ZNF519: variants seen among roughly 807,000 people sequenced by gnomAD.
ZNF519 encodes zinc finger protein 519.
ZNF519 carries 7 observed loss-of-function variants against 7.4 expected under a neutral mutation model. The ratio of observed to expected loss-of-function variants is 0.94; its 90% CI spans 0.54 to 1.77. ZNF519 has a LOEUF of 1.77. Ranked by LOEUF, ZNF519 falls within the 40% of genes most tolerant of loss-of-function variation. The pLI, the probability that ZNF519 is intolerant of heterozygous loss-of-function variation, is 0.00. For missense variants in ZNF519, 586 were observed against 623.1 expected (o/e 0.94, Z 0.63); for synonymous variants, 179 against 203.3 (o/e 0.88, Z 1.02).
downstream of ZNF519, among the ~76,000 whole-genome samples, chr18:14,099,342 GTA>G (rs1164480536): frequency 1.3e-5 from 2 of 152,154 alleles, no homozygotes; most frequent in Non-Finnish European, 2.9e-5. Flanking sequence ...TCTCCAACTA[GTA>G]TATTTGCTCT....
chr18:14,077,681 T>A (rs909203222), intron 4 of ZNF519, among the ~76,000 whole-genome samples: 1 of 152,134 alleles, frequency 6.6e-6, no homozygotes, highest in Non-Finnish European at 1.5e-5. Context: ...CCAGGACCCC[T>A]GGAGGGACAG....
At chr18:14,096,797 T>C (rs921461571), downstream of ZNF519, among the ~76,000 whole-genome samples, 3 of 152,186 alleles carry the variant, frequency 2.0e-5, no homozygotes, top group South Asian at 6.2e-4. Context: ...GGTGTTCCTA[T>C]AGATGAAAGA....
At chr18:14,106,863 T>C (rs2046195855) in intron 2 of ZNF519, among the ~76,000 whole-genome samples, 1 of 151,932 alleles carries the variant, frequency 6.6e-6, no homozygotes, top group Non-Finnish European at 1.5e-5. Flanking sequence ...AAAGCAAAAC[T>C]GGAATGCACT....
chr18:14,106,956 G>T (rs2046196363), intron 2 of ZNF519, among the ~76,000 whole-genome samples: 1 of 151,820 alleles, frequency 6.6e-6, no homozygotes, highest in South Asian at 2.1e-4. Context: ...TGGAACTTGA[G>T]TTCTGGCAAG....
intron 2 of ZNF519, among the ~76,000 whole-genome samples, chr18:14,115,799 C>T (rs1382598293): frequency 6.6e-6 from 1 of 152,008 alleles, no homozygotes; most frequent in Non-Finnish European, 1.5e-5. Context: ...AAGCCAGGCA[C>T]AAAAAGACAA....
At chr18:14,131,978 C>T (rs2046332757) in intron 1 of ZNF519, among the ~76,000 whole-genome samples, 1 of 152,228 alleles carries the variant, frequency 6.6e-6, no homozygotes, top group Non-Finnish European at 1.5e-5. Flanking sequence ...ACCACAGCTC[C>T]TTCCACGCAG....
downstream of ZNF519, among the ~76,000 whole-genome samples, chr18:14,096,173 TG>T (rs1490078335): frequency 1.3e-5 from 2 of 152,226 alleles, no homozygotes; most frequent in Non-Finnish European, 2.9e-5. Flanking sequence ...AAGTCCTTTA[TG>T]TACTTCCCAC....
intron 1 of ZNF519, among the ~76,000 whole-genome samples, chr18:14,126,193 G>A (rs1196347074): frequency 5.9e-5 from 9 of 152,116 alleles, no homozygotes; most frequent in African/African-American, 1.4e-4. Flanking sequence ...GTGGATCTGC[G>A]CAGGGTTGGG....
intron 1 of ZNF519, among the ~76,000 whole-genome samples, chr18:14,129,063 G>A (rs2046316726): frequency 6.6e-6 from 1 of 152,172 alleles, no homozygotes; most frequent in Admixed American, 6.5e-5. Flanking sequence ...TATGGGTGGG[G>A]ATGCAGGGCA....
At chr18:14,081,714 A>C (rs2046071171) in intron 3 of ZNF519, among the ~76,000 whole-genome samples, 1 of 152,192 alleles carries the variant, frequency 6.6e-6, no homozygotes. Flanking sequence ...TGGTGTACAC[A>C]AGAAGACTGT....
Position 14,105,680 on chromosome 18 carries a change from G to A in ZNF519, c.860C>T (p.Thr287Ile). The A allele has an allele frequency of 1.2e-6, 2 of 1,613,574 alleles. No homozygotes were observed. Among genetic ancestry groups the A allele is most frequent in the Non-Finnish European group, 1.7e-6 (2 of 1,179,928 alleles). The change falls in exon 3 of 3, where the codon ACT becomes ATT. Residue 287 changes from threonine to isoleucine, a missense_variant. Thr to Ile is a moderately conservative substitution (Grantham distance 89). Transcript: ENST00000590202. ...TTTACATTTGTAAGGTTTCTCTCCA[G>A]TATGAATTTTCTGATGTCCAAGATG... ...GLHLGHQKIH[T>I]GEKPYKCKKC...
At chr18:14,095,176 A>C (rs1284489206), downstream of ZNF519, among the ~76,000 whole-genome samples, 1 of 152,012 alleles carries the variant, frequency 6.6e-6, no homozygotes, top group Non-Finnish European at 1.5e-5. Context: ...GGCCCAGAGG[A>C]ACTAGAGCAA....
intron 1 of ZNF519, among the ~76,000 whole-genome samples, chr18:14,128,156 G>A (rs148595124): frequency 0.17 from 26,133 of 151,758 alleles, 2,755 homozygotes; most frequent in Middle Eastern, 0.23. Context: ...AGCCGGGTGT[G>A]GTGGTGGGCG....
rs1236439639 is a variant in ZNF519, at chr18:14,124,579, T to A, written c.4-103A>T. 2.2e-6 allele frequency: 3 copies of A among 1,386,320 alleles called. No homozygotes were observed. The East Asian group carries it at 7.0e-5, about 32-fold the overall frequency. The allele number at this position is 1,386,320 out of a possible 1,614,324, so 85.9% of individuals were successfully genotyped here. A position where few individuals can be genotyped will look rare whatever the true frequency, so the allele number is the denominator to read the frequency against. On this transcript the variant is annotated intron_variant, in intron 1 of 2. Transcript: ENST00000590202. ...TATGTGGCTGACTAGGATTATCTGA[T>A]AAAATAACTTTTAACACAGTAATGT...
chr18:14,117,938 A>C (rs1218038714), intron 2 of ZNF519, among the ~76,000 whole-genome samples: 1 of 152,228 alleles, frequency 6.6e-6, no homozygotes, highest in Admixed American at 6.5e-5. Context: ...CTGCAATCTT[A>C]GATGAGATTT....
intron 2 of ZNF519, chr18:14,122,038 T>C (rs1200791738): frequency 6.6e-6 from 1 of 152,160 alleles, no homozygotes; most frequent in Non-Finnish European, 1.5e-5. Flanking sequence ...ATGAACCTTT[T>C]TTCTTTTTAG....
downstream of ZNF519, among the ~76,000 whole-genome samples, chr18:14,097,006 C>T (rs1264015915): frequency 1.3e-5 from 2 of 152,248 alleles, no homozygotes; most frequent in African/African-American, 2.4e-5. Flanking sequence ...TGCTTATATA[C>T]GAGTTGAGTG....
At chr18:14,121,347 AC>A (rs1385849912) in intron 2 of ZNF519, among the ~76,000 whole-genome samples, 7 of 151,940 alleles carry the variant, frequency 4.6e-5, no homozygotes, top group Non-Finnish European at 1.0e-4. Context: ...AAGTATACTT[AC>A]TATAAAAAAA....
chr18:14,116,970 C>T (rs1054113443), intron 2 of ZNF519, among the ~76,000 whole-genome samples: 7 of 152,160 alleles, frequency 4.6e-5, no homozygotes, highest in Non-Finnish European at 8.8e-5. Flanking sequence ...AAGATCATGC[C>T]ATTGCACTCC....
Sources: allele counts gnomAD v4.1 joint callset (sites outside exome capture counted in the v4.1 genomes callset), GRCh38; gene constraint gnomAD v4.1.1; transcripts MANE v1.5; gene names NCBI Gene and HGNC (gene_info 2026-07-23, HGNC 2026-07-21).